The following EYS variants were observed in gnomAD, a reference collection of about 807,000 sequenced individuals.
EYS encodes the protein protein eyes shut homolog.
In EYS, 250 loss-of-function variants were observed where a neutral mutation model predicts 282.1. That is an observed-to-expected ratio of 0.89 (90% confidence interval 0.80 to 0.98). The LOEUF (loss-of-function observed/expected upper bound fraction) is 0.98, where lower values mean the gene tolerates loss of function less well. EYS is among the 50% of genes least tolerant of loss of function. The pLI, the probability that EYS is intolerant of heterozygous loss-of-function variation, is 0.00. For missense variants in EYS, 4,016 were observed against 3,709.0 expected (o/e 1.08, Z -2.15); for synonymous variants, 1,355 against 1,282.9 (o/e 1.06, Z -1.20).
intron 12 of EYS, among the ~76,000 whole-genome samples, chr6:65,099,261 C>A (rs539493376): frequency 1.3e-5 from 2 of 150,256 alleles, no homozygotes; most frequent in African/African-American, 4.9e-5. Flanking sequence ...CAAATGCCTA[C>A]GAAAATAATA....
intron 24 of EYS, among the ~76,000 whole-genome samples, chr6:64,595,785 G>T (rs1015002945): frequency 6.6e-6 from 1 of 152,126 alleles, no homozygotes; most frequent in African/African-American, 2.4e-5. Context: ...ACATTGAAGA[G>T]GACAGAAATG....
intron 35 of EYS, among the ~76,000 whole-genome samples, chr6:63,940,337 A>G (rs1765194895): frequency 1.3e-5 from 2 of 152,138 alleles, no homozygotes. Context: ...AGAAAAGGAA[A>G]TTTGTGAAGC....
intron 12 of EYS, among the ~76,000 whole-genome samples, chr6:65,093,603 ATG>A: frequency 6.6e-6 from 1 of 152,038 alleles, no homozygotes; most frequent in South Asian, 2.1e-4. Flanking sequence ...AGCATGCCTC[ATG>A]GTAACCATGA....
intron 1 of EYS, among the ~76,000 whole-genome samples, chr6:65,700,891 T>C (rs1769650939): frequency 6.6e-6 from 1 of 152,214 alleles, no homozygotes; most frequent in African/African-American, 2.4e-5. Context: ...GTAAATCCCA[T>C]CTCTGTCCTA....
At chr6:64,574,316 C>T (rs1400524392) in intron 26 of EYS, among the ~76,000 whole-genome samples, 2 of 151,998 alleles carry the variant, frequency 1.3e-5, no homozygotes, top group African/African-American at 4.8e-5. Flanking sequence ...AGGAGAAATA[C>T]CTAATGTAGA....
intron 31 of EYS, among the ~76,000 whole-genome samples, chr6:64,104,107 T>C (rs954616858): frequency 6.6e-6 from 1 of 152,058 alleles, no homozygotes; most frequent in East Asian, 1.9e-4. Flanking sequence ...CAGTAGGTGG[T>C]TTCAAATATG....
rs533187531 is a variant in EYS at position 63,853,538 on chromosome 6, C to T, written c.7228+10648G>A. ...GCTCATAGATAGGAAGAATCAATGTCGTGCAAATGGCCATACTGCCCAAAG... is the reference window on the plus strand; with the variant it reads ...GCTCATAGATAGGAAGAATCAATGTTGTGCAAATGGCCATACTGCCCAAAG... On this transcript the variant is annotated intron_variant, in intron 36 of 42. Coordinates refer to ENST00000503581, the MANE Select transcript of EYS (RefSeq NM_001142800.2). Among the ~76,000 whole-genome samples, 17 of 152,240 alleles carry T rather than the reference C, an allele frequency of 1.1e-4. No homozygotes were observed. The East Asian group carries it at 2.7e-3, about 24-fold the overall frequency.
chr6:63,929,524 T>G (rs527969630), intron 35 of EYS, among the ~76,000 whole-genome samples: 2 of 152,232 alleles, frequency 1.3e-5, no homozygotes, highest in Non-Finnish European at 2.9e-5. Flanking sequence ...CCCAGCATTT[T>G]GTACAAGTAA....
At chr6:65,689,566 G>GA (rs1769164157) in intron 1 of EYS, among the ~76,000 whole-genome samples, 1 of 149,598 alleles carries the variant, frequency 6.7e-6, no homozygotes, top group Non-Finnish European at 1.5e-5. Context: ...TTGAAAAGTA[G>GA]AAAAAATTAT....
chr6:63,795,937 A>C (rs1770634744), intron 37 of EYS, among the ~76,000 whole-genome samples: 2 of 152,242 alleles, frequency 1.3e-5, no homozygotes, highest in East Asian at 3.9e-4. Context: ...AATTCTCATG[A>C]GAAAAAAAAC....
intron 12 of EYS, among the ~76,000 whole-genome samples, chr6:65,129,075 C>T (rs1027152438): frequency 2.0e-5 from 3 of 151,854 alleles, no homozygotes; most frequent in African/African-American, 4.8e-5. Context: ...ACTCCATATT[C>T]AATAAATGGT....
chr6:65,386,505 C>A (rs1295842978), intron 7 of EYS, among the ~76,000 whole-genome samples: 1 of 151,796 alleles, frequency 6.6e-6, no homozygotes, highest in Non-Finnish European at 1.5e-5. Context: ...GAAGCACTTC[C>A]AAGTCTTACT....
chr6:64,284,008 A>G (rs1768402429), intron 30 of EYS, among the ~76,000 whole-genome samples: 1 of 152,172 alleles, frequency 6.6e-6, no homozygotes, highest in Non-Finnish European at 1.5e-5. Flanking sequence ...GAGCCAAACC[A>G]TATCATTCCA....
At chr6:63,890,634 G>A (rs1355228519) in intron 35 of EYS, among the ~76,000 whole-genome samples, 3 of 152,186 alleles carry the variant, frequency 2.0e-5, no homozygotes, top group South Asian at 4.1e-4. Context: ...ATGCCCACAG[G>A]AGAAAGCAGG....
intron 21 of EYS, among the ~76,000 whole-genome samples, chr6:64,817,257 C>T (rs1764765163): frequency 6.6e-6 from 1 of 152,036 alleles, no homozygotes; most frequent in African/African-American, 2.4e-5. Flanking sequence ...AAATAAGTCC[C>T]TTTTAAACCT....
chr6:63,801,126 T>C (rs1357669382), intron 37 of EYS, among the ~76,000 whole-genome samples: 4 of 152,160 alleles, frequency 2.6e-5, no homozygotes, highest in Non-Finnish European at 5.9e-5. Flanking sequence ...AAGAAATGTT[T>C]GGACTTGTAT....
chr6:63,814,431 T>G (rs1279832574), intron 36 of EYS, among the ~76,000 whole-genome samples: 1 of 152,182 alleles, frequency 6.6e-6, no homozygotes, highest in South Asian at 2.1e-4. Context: ...ATAAATATGA[T>G]TGGTTGGTTG....
chr6:64,898,846 C>A (rs1375455470), intron 18 of EYS, among the ~76,000 whole-genome samples: 2 of 151,232 alleles, frequency 1.3e-5, no homozygotes, highest in East Asian at 1.9e-4. Flanking sequence ...CAACAAAAAT[C>A]AAAAAGACAA....
intron 30 of EYS, among the ~76,000 whole-genome samples, chr6:64,235,268 T>C (rs1457205343): frequency 2.5e-5 from 3 of 119,758 alleles, no homozygotes; most frequent in Non-Finnish European, 4.9e-5. Flanking sequence ...GTCCCCAGAG[T>C]GTGATGTTCC....
Sources: gnomAD v4.1 joint callset for allele counts (sites outside exome capture counted in the v4.1 genomes callset) on GRCh38, gnomAD v4.1.1 for gene constraint, MANE v1.5 for transcripts, NCBI Gene and HGNC (gene_info 2026-07-23, HGNC 2026-07-21) for gene names.